UBA6: variants seen among roughly 807,000 people sequenced by gnomAD.
The protein encoded by UBA6 is ubiquitin-like modifier-activating enzyme 6.
Under a neutral mutation model 148.3 loss-of-function variants are expected in UBA6, and 87 were observed. The ratio of observed to expected loss-of-function variants is 0.59; its 90% CI spans 0.49 to 0.70. The LOEUF (loss-of-function observed/expected upper bound fraction) is 0.70, where lower values mean the gene tolerates loss of function less well. Ranked by LOEUF, UBA6 falls within the 30% of genes least tolerant of loss-of-function variation. The probability of loss-of-function intolerance (pLI) is 0.00; values close to 1 mark genes in which losing one functional copy is unlikely to be tolerated. For missense variants in UBA6, 1,186 were observed against 1,241.2 expected (o/e 0.96, Z 0.67); for synonymous variants, 376 against 401.0 (o/e 0.94, Z 0.75).
chr4:67,628,736 TAAC>T (rs977045265), intron 27 of UBA6, among the ~76,000 whole-genome samples: 2 of 151,956 alleles, frequency 1.3e-5, no homozygotes, highest in African/African-American at 4.8e-5. Flanking sequence ...GTAAGCTCTA[TAAC>T]AACAGGGGAT....
chr4:67,619,870 A>G (rs993398926), intron 32 of UBA6, among the ~76,000 whole-genome samples: 1 of 152,118 alleles, frequency 6.6e-6, no homozygotes, highest in Non-Finnish European at 1.5e-5. Context: ...CACCCCTTAC[A>G]TCATTGTATT....
intron 12 of UBA6, chr4:67,662,496 T>C (rs1729886542): frequency 8.0e-6 from 3 of 373,292 alleles, no homozygotes; most frequent in Admixed American, 8.9e-5. Context: ...TGAGACAGTC[T>C]CACTGTCACC....
intron 2 of UBA6, among the ~76,000 whole-genome samples, chr4:67,689,375 G>A (rs1032785832): frequency 6.6e-6 from 1 of 152,040 alleles, no homozygotes; most frequent in Non-Finnish European, 1.5e-5. Context: ...AACATTTGAA[G>A]TATCAACCTT....
intron 30 of UBA6, 74 bp from the exon 31 acceptor site, chr4:67,623,296 A>T: frequency 1.8e-6 from 2 of 1,116,028 alleles, no homozygotes; most frequent in Non-Finnish European, 1.3e-6. Context: ...ACACAAAAAA[A>T]ACCCACTTTC....
chr4:67,652,632 C>T (rs1729580159), intron 13 of UBA6, among the ~76,000 whole-genome samples: 1 of 152,198 alleles, frequency 6.6e-6, no homozygotes, highest in Admixed American at 6.5e-5. Context: ...GTGATTTCAG[C>T]ATTTCCAACT....
At chr4:67,629,454 T>C (rs1728947413) in intron 26 of UBA6, among the ~76,000 whole-genome samples, 1 of 151,956 alleles carries the variant, frequency 6.6e-6, no homozygotes, top group African/African-American at 2.4e-5. Context: ...ACTTGATCAG[T>C]CAGTTTTAAT....
intron 19 of UBA6, among the ~76,000 whole-genome samples, chr4:67,636,536 C>G (rs1178748824): frequency 6.6e-6 from 1 of 152,196 alleles, no homozygotes; most frequent in African/African-American, 2.4e-5. Context: ...CGATTGCAGG[C>G]GCGCACCGCC....
rs530758382 is a variant in UBA6 at position 67,677,013 on chromosome 4, C to A, written c.465+598G>T. On this transcript the variant is annotated intron_variant, in intron 6 of 32. Coordinates refer to ENST00000322244, the MANE Select transcript of UBA6 (RefSeq NM_018227.6). ...ACCTATAATAGATTGAACTACTGAT[C>A]CATGTATTTTTACTCCCCTGTAATT... 5.9e-5 allele frequency among the ~76,000 whole-genome samples: 9 copies of A among 152,180 alleles called. No homozygotes were observed. In the East Asian group the frequency reaches 1.2e-3, roughly 20 times the overall value.
chr4:67,639,376 ATAGTT>A (rs1053194677), intron 18 of UBA6, among the ~76,000 whole-genome samples: 27 of 152,166 alleles, frequency 1.8e-4, no homozygotes, highest in Admixed American at 1.6e-3. Flanking sequence ...CTTCTATCTT[ATAGTT>A]AAGTACTTTA....
intron 10 of UBA6, 134 bp downstream of exon 10, chr4:67,665,055 C>T: frequency 1.9e-6 from 1 of 537,294 alleles, no homozygotes; most frequent in South Asian, 3.5e-5. Flanking sequence ...AAAGTGGGTA[C>T]AAACAAAAAA....
At chr4:67,687,131 G>A (rs969404723) in intron 2 of UBA6, among the ~76,000 whole-genome samples, 2 of 149,644 alleles carry the variant, frequency 1.3e-5, no homozygotes, top group African/African-American at 2.5e-5. Context: ...TGCCTCCCGG[G>A]TTCAAGTGAT....
chr4:67,688,724 A>G (rs17088563), intron 2 of UBA6, among the ~76,000 whole-genome samples: 17 of 152,040 alleles, frequency 1.1e-4, no homozygotes, highest in African/African-American at 4.1e-4. Context: ...GCTCTAAAAG[A>G]TATTTCCTAG....
intron 11 of UBA6, 159 bp downstream of exon 11, chr4:67,663,726 G>C (rs1729920905): frequency 4.0e-6 from 2 of 498,468 alleles, no homozygotes; most frequent in Non-Finnish European, 7.1e-6. Flanking sequence ...ATCCTCAGAA[G>C]TCAACTTTAG....
chr4:67,682,422 T>C lies in UBA6; in HGVS notation c.135-209A>G, dbSNP rs187075750. On this transcript the variant is annotated intron_variant, in intron 2 of 32. Coordinates refer to ENST00000322244, the MANE Select transcript of UBA6 (RefSeq NM_018227.6). ...AGATAATTTGGCACCACAATCCATA[T>C]TCCCTCAAGGCAATAGACAGATGGA... Among the ~76,000 whole-genome samples the C allele has an allele frequency of 4.5e-4, 69 of 152,310 alleles. No homozygotes were observed. In the Middle Eastern group the frequency reaches 0.01, roughly 23 times the overall value.
Position 67,634,338 on chromosome 4 carries a change from G to GA in UBA6, c.1933-17dup, listed in dbSNP as rs772197677. The GA allele has an allele frequency of 2.2e-3, 3,334 of 1,487,094 alleles. No individual in the cohort carries two copies. Among genetic ancestry groups the GA allele is most frequent in the South Asian group, 3.7e-3 (280 of 76,114 alleles). The allele number at this position is 1,487,094 out of a possible 1,614,324, so 92.1% of individuals were successfully genotyped here. ...AACTTTCAAACTGTAACAGAGAAAA[G>GA]AAAAAAAAAATTACAAATAGAAGTC... On this transcript the variant is annotated splice_polypyrimidine_tract_variant and intron_variant, in intron 21 of 32. Coordinates refer to ENST00000322244, the MANE Select transcript of UBA6 (RefSeq NM_018227.6).
intron 13 of UBA6, among the ~76,000 whole-genome samples, chr4:67,653,650 C>T (rs1192786057): frequency 2.6e-5 from 4 of 152,256 alleles, no homozygotes; most frequent in South Asian, 2.1e-4. Flanking sequence ...TGGAGATCCT[C>T]GCCAGCAACG....
At chr4:67,657,326 A>G (rs1177992780) in intron 13 of UBA6, among the ~76,000 whole-genome samples, 1 of 152,252 alleles carries the variant, frequency 6.6e-6, no homozygotes, top group Admixed American at 6.5e-5. Flanking sequence ...TACTGGTACC[A>G]GAACAGACAT....
At chr4:67,657,702 T>G (rs1729733355) in intron 13 of UBA6, among the ~76,000 whole-genome samples, 2 of 151,588 alleles carry the variant, frequency 1.3e-5, no homozygotes, top group Admixed American at 6.6e-5. Flanking sequence ...AAAGAGCTTC[T>G]GCACAGCAAA....
At chr4:67,695,601 A>G (rs1319595520) in intron 2 of UBA6, among the ~76,000 whole-genome samples, 3 of 152,152 alleles carry the variant, frequency 2.0e-5, no homozygotes, top group Non-Finnish European at 4.4e-5. Flanking sequence ...CTGTAATCCA[A>G]ATACCTAAAA....
Sources: allele counts gnomAD v4.1 joint callset (sites outside exome capture counted in the v4.1 genomes callset), GRCh38; gene constraint gnomAD v4.1.1; transcripts MANE v1.5; gene names NCBI Gene and HGNC (gene_info 2026-07-23, HGNC 2026-07-21).